Variants in NFE2L3 observed in about 807,000 individuals in gnomAD.
NFE2L3 encodes nuclear factor erythroid 2-related factor 3.
NFE2L3 carries 18 observed loss-of-function variants against 23.5 expected under a neutral mutation model. The observed-to-expected ratio is 0.77, with a 90% confidence interval of 0.53 to 1.13. The LOEUF is 1.13. Ranked by LOEUF, NFE2L3 falls within the 50% of genes most tolerant of loss-of-function variation. The pLI is 0.00. For synonymous variants in NFE2L3, 424 were observed against 354.5 expected, an observed-to-expected ratio of 1.20 and a Z score of -2.20; for missense variants, 1,152 against 877.2, an observed-to-expected ratio of 1.31 and a Z score of -3.96.
intron 1 of NFE2L3, among the ~76,000 whole-genome samples, chr7:26,162,470 GAA>G (rs200581680): frequency 5.6e-3 from 854 of 152,194 alleles, no homozygotes; most frequent in Admixed American, 0.015. Flanking sequence ...ACGTATGTTT[GAA>G]ATTTTCCATA....
intron 2 of NFE2L3, among the ~76,000 whole-genome samples, chr7:26,179,019 A>AATATTAC (rs1208864084): frequency 4.6e-5 from 7 of 152,028 alleles, no homozygotes; most frequent in African/African-American, 1.7e-4. Flanking sequence ...CTGGCCATGT[A>AATATTAC]ATATTACATG....
chr7:26,158,352 C>A (rs1784116740), intron 1 of NFE2L3, among the ~76,000 whole-genome samples: 1 of 152,102 alleles, frequency 6.6e-6, no homozygotes, highest in Admixed American at 6.6e-5. Flanking sequence ...TGCAATGGAC[C>A]CAGTTTCCAA....
chr7:26,159,865 A>C (rs994750152), intron 1 of NFE2L3, among the ~76,000 whole-genome samples: 11 of 152,078 alleles, frequency 7.2e-5, no homozygotes, highest in African/African-American at 1.9e-4. Flanking sequence ...TCTGCTCACT[A>C]TAAAACTTCA....
Position 26,152,789 on chromosome 7 carries a change from G to A in NFE2L3, c.291G>A (p.Ala97=). Reference sequence around the variant, plus strand: ...GCCAGCTGCTCCGGGAGGTGCGCGCGCTCGGGGTCCCCTTCGTCCCTCGCA... The same window carrying A: ...GCCAGCTGCTCCGGGAGGTGCGCGCACTCGGGGTCCCCTTCGTCCCTCGCA... The part of the protein sequence containing the change: ...PEGQLLREVR[A]LGVPFVPRTS... The change falls in exon 1 of 4, where the codon GCG becomes GCA. Residue 97 remains alanine, a synonymous_variant. Coordinates refer to ENST00000056233, the MANE Select transcript of NFE2L3 (RefSeq NM_004289.7). This position sits in a 1 kb window ranked among gnomAD's most constrained non-coding sequence, Gnocchi z 4.4. The A allele has an allele frequency of 1.3e-6, 2 of 1,485,552 alleles. No individual in the cohort carries two copies. The highest frequency in any genetic ancestry group is 1.3e-5 in the South Asian group (1 of 79,018). The allele number at this position is 1,485,552 out of a possible 1,614,324, so 92.0% of individuals were successfully genotyped here.
intron 1 of NFE2L3, among the ~76,000 whole-genome samples, chr7:26,165,060 T>G (rs1362729097): frequency 2.0e-5 from 3 of 152,206 alleles, no homozygotes; most frequent in South Asian, 2.1e-4. Flanking sequence ...AGCCTTGTAG[T>G]ATAGTTTGAA....
Position 26,183,764 on chromosome 7 carries a change from C to T in NFE2L3, c.814C>T (p.Gln272Ter), listed in dbSNP as rs768623581. ...LEDLFQLLSS[Q>*]PENSLEGISL... ...AGACTTATTCCAGTTGCTTTCATCACAGCCTGAAAATTCACTGGAGGTAAT... is the reference window on the plus strand; with the variant it reads ...AGACTTATTCCAGTTGCTTTCATCATAGCCTGAAAATTCACTGGAGGTAAT... Residue 272 changes from glutamine to a stop codon, truncating the protein, a stop_gained, in exon 3 of 4, where the codon CAG becomes TAG. Coordinates refer to ENST00000056233, the MANE Select transcript of NFE2L3 (RefSeq NM_004289.7). LOFTEE classifies it low-confidence loss of function (END_TRUNC). 9 of 1,612,636 alleles carry T rather than the reference C, an allele frequency of 5.6e-6. No homozygotes were observed. In the African/African-American group the frequency reaches 9.3e-5, roughly 17 times the overall value.
At position 26,185,769 on chromosome 7, in the gene NFE2L3, G is replaced by T. The variant is rs764127031; in HGVS notation, c.2071G>T (p.Gly691Ter). The change falls in exon 4 of 4, where the codon GGA becomes TGA. Residue 691 changes from glycine to a stop codon, truncating the protein, a stop_gained. Coordinates refer to ENST00000056233, the MANE Select transcript of NFE2L3 (RefSeq NM_004289.7). LOFTEE classifies it high-confidence loss of function. ...AGGCCACAAAAAGGAAACCCAAAAG[G>T]GAAAGAGAAAGTGAGAAGAAACTGA... ...ASGHKKETQK[G>*]KRK 2 of 1,578,992 alleles carry T rather than the reference G, an allele frequency of 1.3e-6. No individual in the cohort carries two copies. The highest frequency in any genetic ancestry group is 1.7e-6 in the Non-Finnish European group (2 of 1,171,144).
chr7:26,163,190 G>C (rs957624097), intron 1 of NFE2L3, among the ~76,000 whole-genome samples: 2 of 152,096 alleles, frequency 1.3e-5, no homozygotes, highest in African/African-American at 2.4e-5. Flanking sequence ...TTAGCAAGGA[G>C]AAGAGAAAAA....
At chr7:26,162,464 A>G (rs547566146) in intron 1 of NFE2L3, among the ~76,000 whole-genome samples, 1 of 152,178 alleles carries the variant, frequency 6.6e-6, no homozygotes, top group South Asian at 2.1e-4. Flanking sequence ...CTGTTTACGT[A>G]TGTTTGAAAT....
chr7:26,154,427 G>A (rs375907600), intron 1 of NFE2L3, among the ~76,000 whole-genome samples: 1 of 152,192 alleles, frequency 6.6e-6, no homozygotes, highest in Non-Finnish European at 1.5e-5. Context: ...ACCCACACCC[G>A]AATGCCAACC....
At chr7:26,182,303 A>ATG (rs1429026391) in intron 2 of NFE2L3, among the ~76,000 whole-genome samples, 1 of 130,784 alleles carries the variant, frequency 7.6e-6, no homozygotes, top group Admixed American at 7.2e-5. Flanking sequence ...TTACCAGTTA[A>ATG]CTCATCATTT....
chr7:26,180,219 C>A (rs977978089), intron 2 of NFE2L3, among the ~76,000 whole-genome samples: 1 of 152,152 alleles, frequency 6.6e-6, no homozygotes, highest in Non-Finnish European at 1.5e-5. Context: ...AAGTGGTCTC[C>A]TTGAGGCCCT....
rs193003871 is a variant in NFE2L3, at chr7:26,182,392, G to A, written c.751-1309G>A. On this transcript the variant is annotated intron_variant, in intron 2 of 3. Coordinates refer to ENST00000056233, the MANE Select transcript of NFE2L3 (RefSeq NM_004289.7). ...TAATCCCAACTCTTTGTGAGGCCAA[G>A]GCAGGTGGATCACCTGTGGTCAGTA... 1.1e-3 allele frequency among the ~76,000 whole-genome samples: 170 copies of A among 148,870 alleles called. 1 individual carries two copies. The highest frequency in any genetic ancestry group is 8.1e-3 in the Admixed American group (123 of 15,208).
At position 26,176,921 on chromosome 7, in the gene NFE2L3, G is replaced by A. The variant is rs1255502104; in HGVS notation, c.571-1022G>A. Among the ~76,000 whole-genome samples, 33 of 115,706 alleles carry A rather than the reference G, an allele frequency of 2.9e-4. 1 individual carries two copies. The highest frequency in any genetic ancestry group is 9.2e-4 in the African/African-American group (28 of 30,364). 75.9% of individuals were successfully genotyped at this position (115,706 alleles called of 152,430 possible). On this transcript the variant is annotated intron_variant, in intron 1 of 3. Coordinates refer to ENST00000056233, the MANE Select transcript of NFE2L3 (RefSeq NM_004289.7). ...CAGAGGCGCTCCTCACATCCCAGAC[G>A]ATGGGCGGCCAGGCAGAGATGCTCC...
rs9690638 is a variant in NFE2L3, at chr7:26,164,364, T to C, written c.570+11296T>C. 6.2e-3 allele frequency among the ~76,000 whole-genome samples: 947 copies of C among 152,346 alleles called. 11 individuals carry two copies. Among genetic ancestry groups the C allele is most frequent in the African/African-American group, 0.021 (884 of 41,590 alleles). On this transcript the variant is annotated intron_variant, in intron 1 of 3. Coordinates refer to ENST00000056233, the MANE Select transcript of NFE2L3 (RefSeq NM_004289.7). Reference sequence around the variant, plus strand: ...GATCGCCATTCTAACTGGTGTGAGATGGTATCTCATTGTGGTTTTGATCTG... The same window carrying C: ...GATCGCCATTCTAACTGGTGTGAGACGGTATCTCATTGTGGTTTTGATCTG...
intron 1 of NFE2L3, among the ~76,000 whole-genome samples, chr7:26,153,766 T>TA (rs1243690997): frequency 5.3e-5 from 8 of 152,220 alleles, no homozygotes; most frequent in African/African-American, 1.9e-4. Flanking sequence ...TTCTCTGGCT[T>TA]AACTTCTTTC....
Position 26,152,425 on chromosome 7 carries a change from C to T in NFE2L3, c.-74C>T. ...AGGTGCGGGCGGCGCGCGGGGTCCG[C>T]ACGTGTCACCCCGGCGGCTGGGGCG... On this transcript the variant is annotated 5_prime_UTR_variant, in exon 1 of 4. Coordinates refer to ENST00000056233, the MANE Select transcript of NFE2L3 (RefSeq NM_004289.7). The surrounding 1 kb of genome is among the most constrained non-coding windows in gnomAD (Gnocchi z 4.4). 9.3e-7 allele frequency: 1 copy of T among 1,080,144 alleles called. No homozygotes were observed. Among genetic ancestry groups the T allele is most frequent in the East Asian group, 3.6e-5 (1 of 27,616 alleles). 66.9% of individuals were successfully genotyped at this position (1,080,144 alleles called of 1,614,324 possible).
At chr7:26,182,814 T>G (rs897408875) in intron 2 of NFE2L3, among the ~76,000 whole-genome samples, 1 of 152,154 alleles carries the variant, frequency 6.6e-6, no homozygotes, top group Non-Finnish European at 1.5e-5. Context: ...AAAATATTTT[T>G]TGAGACGAGA....
intron 1 of NFE2L3, among the ~76,000 whole-genome samples, chr7:26,172,348 T>C (rs1028740778): frequency 6.6e-6 from 1 of 152,262 alleles, no homozygotes; most frequent in African/African-American, 2.4e-5. Context: ...ATGTCTTGCC[T>C]CATTTAGCTA....
Sources: allele counts gnomAD v4.1 joint callset (sites outside exome capture counted in the v4.1 genomes callset), GRCh38; gene constraint gnomAD v4.1.1; non-coding constraint Gnocchi (gnomAD v3.1); transcripts MANE v1.5; gene names NCBI Gene and HGNC (gene_info 2026-07-23, HGNC 2026-07-21).